The following SNTA1 variants were observed in gnomAD, a reference collection of about 807,000 sequenced individuals.
SNTA1 encodes syntrophin alpha 1.
SNTA1 carries 31 observed loss-of-function variants against 47.1 expected under a neutral mutation model. The ratio of observed to expected loss-of-function variants is 0.66; its 90% CI spans 0.49 to 0.89. The LOEUF is 0.89. Ranked by LOEUF, SNTA1 falls within the 40% of genes least tolerant of loss-of-function variation. SNTA1 has a pLI of 0.00. For missense variants in SNTA1, 575 were observed against 693.0 expected, an observed-to-expected ratio of 0.83 and a Z score of 1.91; for synonymous variants, 300 against 313.6, an observed-to-expected ratio of 0.96 and a Z score of 0.46.
chr20:33,443,552 G>GGCCCCCGAGCCC lies in SNTA1; in HGVS notation c.57_68dup (p.Ser21_Gly24dup). ...GCACCCGCTGCCATCGCTCGCCGCC[G>GGCCCCCGAGCCC]GCCCCCGAGCCCGCCCCGGCGCGCA... On this transcript the variant is annotated inframe_insertion, in exon 1 of 8. Transcript: ENST00000217381. 7.5e-7 allele frequency: 1 copy of GGCCCCCGAGCCC among 1,336,010 alleles called. No individual in the cohort carries two copies. The highest frequency in any genetic ancestry group is 9.7e-7 in the Non-Finnish European group (1 of 1,036,052). The allele number at this position is 1,336,010 out of a possible 1,614,324, so 82.8% of individuals were successfully genotyped here. A position where few individuals can be genotyped will look rare whatever the true frequency, so the allele number is the denominator to read the frequency against.
intron 5 of SNTA1, among the ~76,000 whole-genome samples, chr20:33,410,585 C>G (rs1192205494): frequency 6.6e-6 from 1 of 152,118 alleles, no homozygotes; most frequent in Non-Finnish European, 1.5e-5. Context: ...TTTGCATATG[C>G]TCTTCCCTCT....
chr20:33,414,261 A>C (rs1297577871), intron 3 of SNTA1, among the ~76,000 whole-genome samples: 1 of 139,438 alleles, frequency 7.2e-6, no homozygotes, highest in East Asian at 2.2e-4. Flanking sequence ...AAAAAAAAAA[A>C]AAAAAAAAAA....
intron 6 of SNTA1, among the ~76,000 whole-genome samples, chr20:33,409,571 G>A (rs57534918): frequency 2.0e-5 from 3 of 151,352 alleles, no homozygotes; most frequent in African/African-American, 4.9e-5. Context: ...AGTGATTCTC[G>A]TGCCTCAGCT....
At chr20:33,419,883 C>G (rs1989977243) in intron 2 of SNTA1, among the ~76,000 whole-genome samples, 1 of 152,058 alleles carries the variant, frequency 6.6e-6, no homozygotes, top group South Asian at 2.1e-4. Context: ...TTCAAAGTTG[C>G]TGGGAGGGAG....
Position 33,439,038 on chromosome 20 carries a change from CAGA to C in SNTA1, c.311-15_311-13del. On this transcript the variant is annotated splice_polypyrimidine_tract_variant and intron_variant, in intron 1 of 7. Coordinates refer to ENST00000217381, the MANE Select transcript of SNTA1 (RefSeq NM_003098.3). ...GTTCTCCCGGCCGCCTGCACAGGTA[CAGA>C]AGGAGGACAAGACTTAGGCAGATAC... 1.2e-6 allele frequency: 2 copies of C among 1,613,156 alleles called. No individual in the cohort carries two copies. The highest frequency in any genetic ancestry group is 1.7e-6 in the Non-Finnish European group (2 of 1,179,142).
In SNTA1 at chr20:33,436,269, G is replaced by T. The variant is rs6057852; in HGVS notation, c.496+2572C>A. Among the ~76,000 whole-genome samples, 615 of 152,266 alleles carry T rather than the reference G, an allele frequency of 4.0e-3. 7 individuals are homozygous for T. Among genetic ancestry groups the T allele is most frequent in the African/African-American group, 0.014 (578 of 41,558 alleles). ...CTCCGTGTGAATGTGGATTTGAATT[G>T]TGTCTATAGCAGAAATTTTACCATA... On this transcript the variant is annotated intron_variant, in intron 2 of 7. Transcript: ENST00000217381.
intron 6 of SNTA1, among the ~76,000 whole-genome samples, chr20:33,409,603 G>A (rs761106728): frequency 6.6e-6 from 1 of 151,862 alleles, no homozygotes; most frequent in Non-Finnish European, 1.5e-5. Context: ...TGGGACTACA[G>A]GCACCTAGTA....
intron 2 of SNTA1, among the ~76,000 whole-genome samples, chr20:33,418,378 C>T (rs1343203077): frequency 6.6e-6 from 1 of 151,948 alleles, no homozygotes; most frequent in Non-Finnish European, 1.5e-5. Context: ...CCTCAGCTCC[C>T]CAAGTAGCTG....
intron 2 of SNTA1, among the ~76,000 whole-genome samples, chr20:33,437,403 G>A (rs1990469527): frequency 6.8e-6 from 1 of 146,788 alleles, no homozygotes; most frequent in Admixed American, 6.9e-5. Flanking sequence ...ACTCCAGCCT[G>A]GGTGATAGAG....
intron 2 of SNTA1, among the ~76,000 whole-genome samples, chr20:33,430,615 G>A (rs1490472811): frequency 6.6e-6 from 1 of 151,836 alleles, no homozygotes; most frequent in African/African-American, 2.4e-5. Flanking sequence ...CTGAGTCTCA[G>A]AGAAGTGACA....
chr20:33,412,217 A>T, intron 5 of SNTA1, 79 bp downstream of exon 5: 1 of 1,492,608 alleles, frequency 6.7e-7, no homozygotes, highest in South Asian at 1.2e-5. Context: ...ACAGGGCTGG[A>T]GTTCCCAGCT....
At chr20:33,438,744 C>T (rs1242449679) in intron 2 of SNTA1, 97 bp downstream of exon 2, 4 of 1,023,270 alleles carry the variant, frequency 3.9e-6, no homozygotes, top group Non-Finnish European at 6.2e-6. Context: ...TCCCAGCCCC[C>T]AGTGCTGGGA....
At chr20:33,419,088 A>G (rs1225899133) in intron 2 of SNTA1, among the ~76,000 whole-genome samples, 1 of 152,008 alleles carries the variant, frequency 6.6e-6, no homozygotes, top group Non-Finnish European at 1.5e-5. Flanking sequence ...AGCCTGGACG[A>G]TGAAGTGCGA....
intron 6 of SNTA1, among the ~76,000 whole-genome samples, chr20:33,409,560 A>G (rs554198274): frequency 1.3e-5 from 2 of 152,212 alleles, no homozygotes; most frequent in Admixed American, 1.3e-4. Context: ...TCCCGGGTTC[A>G]AGTGATTCTC....
intron 2 of SNTA1, among the ~76,000 whole-genome samples, chr20:33,421,149 G>C (rs1164725801): frequency 6.7e-6 from 1 of 150,042 alleles, no homozygotes; most frequent in Non-Finnish European, 1.5e-5. Flanking sequence ...CTCCAGTCTG[G>C]TAACAGAGTG....
chr20:33,416,409 G>A (rs1039389409), intron 3 of SNTA1, among the ~76,000 whole-genome samples: 2 of 152,240 alleles, frequency 1.3e-5, no homozygotes, highest in South Asian at 4.1e-4. Flanking sequence ...CAGGTATCTT[G>A]CACCTTCCAA....
intron 5 of SNTA1, 79 bp downstream of exon 5, chr20:33,412,217 A>C: frequency 6.7e-7 from 1 of 1,492,608 alleles, no homozygotes; most frequent in Non-Finnish European, 9.1e-7. Context: ...ACAGGGCTGG[A>C]GTTCCCAGCT....
Position 33,417,772 on chromosome 20 carries a change from G to T in SNTA1, c.648C>A (p.Ser216=), listed in dbSNP as rs960061543. ...PRNFSEAKHM[S]LKMAYVSKRC... ...TCTTCGAGACATATGCCATCTTCAAGGACATGTGTTTGGCCTCGCTGAAGT... is the reference window on the plus strand; with the variant it reads ...TCTTCGAGACATATGCCATCTTCAATGACATGTGTTTGGCCTCGCTGAAGT... The change falls in exon 3 of 8, where the codon TCC becomes TCA. Residue 216 remains serine, a synonymous_variant. Transcript: ENST00000217381. 1 of 1,614,126 alleles carries T rather than the reference G, an allele frequency of 6.2e-7. No individual in the cohort carries two copies. The highest frequency in any genetic ancestry group is 8.5e-7 in the Non-Finnish European group (1 of 1,180,026).
At chr20:33,415,127 C>T (rs1248642600) in intron 3 of SNTA1, among the ~76,000 whole-genome samples, 2 of 151,890 alleles carry the variant, frequency 1.3e-5, no homozygotes, top group African/African-American at 2.4e-5. Context: ...CATGCACACA[C>T]ATATGTGCAT....
Sources: allele counts gnomAD v4.1 joint callset (sites outside exome capture counted in the v4.1 genomes callset), GRCh38; gene constraint gnomAD v4.1.1; transcripts MANE v1.5; gene names NCBI Gene and HGNC (gene_info 2026-07-23, HGNC 2026-07-21).